Variants in MED13L observed in about 807,000 individuals in gnomAD.
MED13L encodes mediator of RNA polymerase II transcription subunit 13-like.
MED13L carries 7 observed loss-of-function variants against 220.9 expected under a neutral mutation model. The ratio of observed to expected loss-of-function variants is 0.03; its 90% CI spans 0.02 to 0.06. The LOEUF (loss-of-function observed/expected upper bound fraction) is 0.06. Ranked by LOEUF, MED13L falls within the 10% of genes least tolerant of loss-of-function variation. The pLI is 1.00. For missense variants in MED13L, 1,965 were observed against 2,760.5 expected (o/e 0.71, Z 6.46); for synonymous variants, 1,011 against 1,015.2 (o/e 1.00, Z 0.08).
intron 1 of MED13L, among the ~76,000 whole-genome samples, chr12:116,268,961 T>C (rs1478614138): frequency 6.6e-6 from 1 of 152,228 alleles, no homozygotes; most frequent in Non-Finnish European, 1.5e-5. Flanking sequence ...CAACTTTTAT[T>C]TTAAGTTCTG....
chr12:116,016,631 T>C (rs946475969), intron 7 of MED13L, among the ~76,000 whole-genome samples: 2 of 151,638 alleles, frequency 1.3e-5, no homozygotes, highest in African/African-American at 2.4e-5. Context: ...AAGAAAAGAG[T>C]AGGGAGAAAC....
At chr12:116,015,010 G>T in intron 8 of MED13L, 99 bp downstream of exon 8, 2 of 1,189,052 alleles carry the variant, frequency 1.7e-6, no homozygotes, top group Non-Finnish European at 2.5e-6. Flanking sequence ...GACCTCTCAA[G>T]TTTGGTCACA....
At chr12:116,083,247 T>C (rs1871349359) in intron 4 of MED13L, among the ~76,000 whole-genome samples, 1 of 151,558 alleles carries the variant, frequency 6.6e-6, no homozygotes, top group Non-Finnish European at 1.5e-5. Context: ...CTACTAAAAA[T>C]ACAAAAATTA....
chr12:116,063,393 C>T (rs1386419735), intron 4 of MED13L, among the ~76,000 whole-genome samples: 6 of 152,138 alleles, frequency 3.9e-5, no homozygotes, highest in Non-Finnish European at 5.9e-5. Flanking sequence ...TAGCCTGTGC[C>T]TCTAGTCCCA....
At chr12:116,276,307 T>TG (rs1318355498) in intron 1 of MED13L, 43 of 463,738 alleles carry the variant, frequency 9.3e-5, no homozygotes, top group East Asian at 8.1e-4. Context: ...GCTTGTTGCT[T>TG]TTGTGTGTGT....
At chr12:116,110,744 G>A (rs10850595) in intron 3 of MED13L, among the ~76,000 whole-genome samples, 15,129 of 152,086 alleles carry the variant, frequency 0.099, 1,453 homozygotes, top group East Asian at 0.39. Context: ...GGACACTGAC[G>A]ATATGAGCCT....
At chr12:116,217,738 C>G (rs1883087837) in intron 2 of MED13L, among the ~76,000 whole-genome samples, 1 of 152,128 alleles carries the variant, frequency 6.6e-6, no homozygotes, top group African/African-American at 2.4e-5. Flanking sequence ...TGACACAGTT[C>G]AACAGTGAAT....
chr12:116,086,283 CTT>C (rs756507659), intron 4 of MED13L, among the ~76,000 whole-genome samples: 22 of 109,418 alleles, frequency 2.0e-4, no homozygotes, highest in Admixed American at 1.2e-4. Context: ...CACGATAATT[CTT>C]TTTTTTTTTT....
chr12:116,003,143 A>G (rs571129455), intron 13 of MED13L, 41 bp from the exon 14 acceptor site: 14 of 1,543,986 alleles, frequency 9.1e-6, no homozygotes, highest in South Asian at 5.6e-5. Context: ...TGACGTGTAT[A>G]TAAGTAGGGC....
intron 3 of MED13L, among the ~76,000 whole-genome samples, chr12:116,098,729 T>C (rs1872820101): frequency 6.6e-6 from 1 of 152,086 alleles, no homozygotes; most frequent in Non-Finnish European, 1.5e-5. Context: ...ATGAAGAAAA[T>C]CATTTTCAGC....
At chr12:115,964,790 ATTGTGAATATTTCCT>A (rs1319691238) in intron 29 of MED13L, among the ~76,000 whole-genome samples, 42 of 152,294 alleles carry the variant, frequency 2.8e-4, no homozygotes, top group African/African-American at 8.9e-4. Context: ...CCTCAGGTTC[ATTGTGAATATTTCCT>A]GCTGCATATC....
At chr12:116,023,211 G>A (rs1216869934) in intron 4 of MED13L, among the ~76,000 whole-genome samples, 3 of 152,076 alleles carry the variant, frequency 2.0e-5, no homozygotes, top group African/African-American at 4.8e-5. Flanking sequence ...TGAGAGGATC[G>A]CTTGAGCCCA....
At chr12:116,006,833 T>C (rs1210551784) in intron 11 of MED13L, 2 of 199,952 alleles carry the variant, frequency 1.0e-5, no homozygotes, top group African/African-American at 4.7e-5. Flanking sequence ...TTTATTTCCT[T>C]GATTCTCAAG....
chr12:116,227,298 G>A (rs1222254419), intron 2 of MED13L, among the ~76,000 whole-genome samples: 1 of 152,132 alleles, frequency 6.6e-6, no homozygotes, highest in Non-Finnish European at 1.5e-5. Flanking sequence ...GATCTCTAAC[G>A]ATAGCAGATA....
Position 116,277,603 on chromosome 12 carries a change from C to A in MED13L, c.-472G>T, listed in dbSNP as rs1873993355. 6.7e-6 allele frequency among the ~76,000 whole-genome samples: 1 copy of A among 149,580 alleles called. No individual in the cohort carries two copies. Among genetic ancestry groups the A allele is most frequent in the African/African-American group, 2.4e-5 (1 of 41,168 alleles). ...GGCGACCCCGGCAGCCGAGCGACGT[C>A]CCCTCCTTCCTCTTCCTCCCCCACC... is the stretch of plus-strand genomic sequence containing the variant. On this transcript the variant is annotated 5_prime_UTR_variant, in exon 1 of 31. Coordinates refer to ENST00000281928, the MANE Select transcript of MED13L (RefSeq NM_015335.5).
intron 2 of MED13L, among the ~76,000 whole-genome samples, chr12:116,229,896 A>C (rs999035852): frequency 8.5e-5 from 13 of 152,300 alleles, no homozygotes; most frequent in African/African-American, 3.1e-4. Flanking sequence ...CAAATAAAAC[A>C]GAAAAACAGA....
At chr12:116,249,758 AAAGTC>A (rs1871359098) in intron 1 of MED13L, among the ~76,000 whole-genome samples, 4 of 148,514 alleles carry the variant, frequency 2.7e-5, no homozygotes, top group South Asian at 2.1e-4. Context: ...AAAAAAAAAA[AAAGTC>A]AGGGCTTTAA....
chr12:116,034,800 G>A (rs752468972), intron 4 of MED13L, among the ~76,000 whole-genome samples: 7 of 152,132 alleles, frequency 4.6e-5, no homozygotes, highest in Non-Finnish European at 7.4e-5. Context: ...GAGGTTGGGA[G>A]TTCAAGACCA....
At chr12:116,048,516 A>G (rs1228475186) in intron 4 of MED13L, among the ~76,000 whole-genome samples, 2 of 152,206 alleles carry the variant, frequency 1.3e-5, no homozygotes, top group Non-Finnish European at 2.9e-5. Flanking sequence ...ATGTGACAGT[A>G]AAAGTTGAAA....
Sources: gnomAD v4.1 joint callset for allele counts (sites outside exome capture counted in the v4.1 genomes callset) on GRCh38, gnomAD v4.1.1 for gene constraint, MANE v1.5 for transcripts, NCBI Gene and HGNC (gene_info 2026-07-23, HGNC 2026-07-21) for gene names.